Variants in ST6GALNAC3 observed in about 807,000 individuals in gnomAD.
The protein encoded by ST6GALNAC3 is ST6 N-acetylgalactosaminide alpha-2,6-sialyltransferase 3.
ST6GALNAC3 carries 25 observed loss-of-function variants against 32.7 expected under a neutral mutation model. The ratio of observed to expected loss-of-function variants is 0.76; its 90% CI spans 0.56 to 1.07. The LOEUF is 1.07. Among genes scored for constraint, ST6GALNAC3 ranks in the 50% least tolerant of loss-of-function variants. The pLI, the probability that ST6GALNAC3 is intolerant of heterozygous loss-of-function variation, is 0.00. For synonymous variants in ST6GALNAC3, 129 were observed against 133.1 expected (o/e 0.97, Z 0.21); for missense variants, 355 against 382.4 (o/e 0.93, Z 0.60).
chr1:76,168,316 G>C (rs778888459), intron 1 of ST6GALNAC3, among the ~76,000 whole-genome samples: 32 of 152,232 alleles, frequency 2.1e-4, no homozygotes, highest in Middle Eastern at 3.4e-3. Flanking sequence ...TCTTAGTCTT[G>C]ATTTCTAATT....
chr1:76,525,791 GTATATATATATA>G (rs199721572), intron 3 of ST6GALNAC3, among the ~76,000 whole-genome samples: 7,600 of 75,586 alleles, frequency 0.1, 867 homozygotes, highest in African/African-American at 0.23. Context: ...GTGTGTGTGT[GTATATATATATA>G]TATATATATA....
intron 2 of ST6GALNAC3, among the ~76,000 whole-genome samples, chr1:76,395,482 C>T (rs566450017): frequency 2.0e-5 from 3 of 152,102 alleles, no homozygotes; most frequent in Non-Finnish European, 4.4e-5. Flanking sequence ...CAAAAGTATA[C>T]CTGCATCCTA....
intron 3 of ST6GALNAC3, among the ~76,000 whole-genome samples, chr1:76,549,614 TC>T (rs1447734357): frequency 2.0e-5 from 3 of 152,200 alleles, no homozygotes; most frequent in Non-Finnish European, 4.4e-5. Context: ...TTTACAGTCT[TC>T]CCCTGTAATA....
intron 1 of ST6GALNAC3, among the ~76,000 whole-genome samples, chr1:76,116,489 A>G (rs1461193913): frequency 2.6e-5 from 4 of 152,164 alleles, no homozygotes; most frequent in South Asian, 2.1e-4. Flanking sequence ...CTGTGTCCCA[A>G]CCACAGATGA....
intron 3 of ST6GALNAC3, among the ~76,000 whole-genome samples, chr1:76,503,047 T>C (rs1661269500): frequency 6.6e-6 from 1 of 152,050 alleles, no homozygotes; most frequent in Admixed American, 6.5e-5. Flanking sequence ...AGTTGTACGC[T>C]AAATAACCTG....
intron 1 of ST6GALNAC3, among the ~76,000 whole-genome samples, chr1:76,302,788 G>A (rs528726834): frequency 5.3e-4 from 80 of 151,960 alleles, no homozygotes; most frequent in Admixed American, 1.4e-3. Context: ...AGTGGAGGGT[G>A]TCCAGGTTCT....
intron 1 of ST6GALNAC3, among the ~76,000 whole-genome samples, chr1:76,163,213 G>C (rs1394049495): frequency 1.3e-5 from 2 of 152,110 alleles, no homozygotes; most frequent in Non-Finnish European, 2.9e-5. Context: ...TTAGTTATAT[G>C]ATTTTAAAAG....
chr1:76,545,074 C>A (rs1222233639), intron 3 of ST6GALNAC3, among the ~76,000 whole-genome samples: 3 of 152,222 alleles, frequency 2.0e-5, no homozygotes, highest in African/African-American at 7.2e-5. Flanking sequence ...GTTTCTGCAA[C>A]TGCCTTAGGC....
intron 2 of ST6GALNAC3, among the ~76,000 whole-genome samples, chr1:76,364,540 G>A (rs888816086): frequency 5.9e-5 from 9 of 151,860 alleles, no homozygotes; most frequent in African/African-American, 1.7e-4. Context: ...GTGACAGAGC[G>A]AGACTCCACC....
intron 1 of ST6GALNAC3, among the ~76,000 whole-genome samples, chr1:76,143,188 A>G (rs1305928708): frequency 2.0e-5 from 3 of 152,190 alleles, no homozygotes; most frequent in African/African-American, 4.8e-5. Context: ...GTTTAAAACT[A>G]ACTTTGGATT....
At chr1:76,530,025 T>C (rs886223300) in intron 3 of ST6GALNAC3, among the ~76,000 whole-genome samples, 1 of 152,206 alleles carries the variant, frequency 6.6e-6, no homozygotes, top group Non-Finnish European at 1.5e-5. Flanking sequence ...ATAAATAAGA[T>C]GTGTAGTTAC....
At chr1:76,516,260 A>G (rs536406973) in intron 3 of ST6GALNAC3, among the ~76,000 whole-genome samples, 2 of 152,276 alleles carry the variant, frequency 1.3e-5, no homozygotes, top group South Asian at 4.1e-4. Context: ...AAATGTTACA[A>G]TATGCCTTGG....
intron 3 of ST6GALNAC3, among the ~76,000 whole-genome samples, chr1:76,499,464 G>A (rs572087984): frequency 6.6e-6 from 1 of 152,062 alleles, no homozygotes; most frequent in South Asian, 2.1e-4. Context: ...CCCTCTCTTA[G>A]CTTCCTCCAC....
intron 2 of ST6GALNAC3, among the ~76,000 whole-genome samples, chr1:76,383,217 C>A (rs1019502805): frequency 2.0e-5 from 3 of 151,938 alleles, no homozygotes; most frequent in Non-Finnish European, 4.4e-5. Flanking sequence ...TAAACAAAAG[C>A]AGGTAATTTG....
intron 3 of ST6GALNAC3, among the ~76,000 whole-genome samples, chr1:76,610,779 C>G (rs1367578996): frequency 6.6e-6 from 1 of 152,068 alleles, no homozygotes; most frequent in East Asian, 1.9e-4. Context: ...TTATTATAGT[C>G]AAAATACTTC....
chr1:76,326,408 A>G (rs1647070523), intron 2 of ST6GALNAC3, among the ~76,000 whole-genome samples: 1 of 152,128 alleles, frequency 6.6e-6, no homozygotes, highest in Admixed American at 6.6e-5. Context: ...TGGGAAGTAT[A>G]CTCCTCCTAT....
intron 3 of ST6GALNAC3, among the ~76,000 whole-genome samples, chr1:76,504,907 C>T (rs74089982): frequency 0.069 from 10,486 of 152,128 alleles, 1,219 homozygotes; most frequent in African/African-American, 0.24. Context: ...GATGTGGCCT[C>T]ATTCAAGGAT....
At chr1:76,508,240 A>G (rs1458997551) in intron 3 of ST6GALNAC3, among the ~76,000 whole-genome samples, 1 of 152,114 alleles carries the variant, frequency 6.6e-6, no homozygotes, top group East Asian at 1.9e-4. Flanking sequence ...AGAGTACACA[A>G]CAGGATTCGT....
chr1:76,134,243 T>G (rs1311023107), intron 1 of ST6GALNAC3, among the ~76,000 whole-genome samples: 2 of 152,230 alleles, frequency 1.3e-5, no homozygotes, highest in Non-Finnish European at 2.9e-5. Context: ...ATTTCTTTTC[T>G]TCCCCTATAC....
Sources: allele counts gnomAD v4.1 joint callset (sites outside exome capture counted in the v4.1 genomes callset), GRCh38; gene constraint gnomAD v4.1.1; transcripts MANE v1.5; gene names NCBI Gene and HGNC (gene_info 2026-07-23, HGNC 2026-07-21).